The following NELL2 variants were observed in gnomAD, a reference collection of about 807,000 sequenced individuals.
NELL2 encodes protein kinase C-binding protein NELL2.
Under a neutral mutation model 109.6 loss-of-function variants are expected in NELL2, and 41 were observed. The ratio of observed to expected loss-of-function variants is 0.37; its 90% CI spans 0.29 to 0.49. The LOEUF is 0.49. Among genes scored for constraint, NELL2 ranks in the 20% least tolerant of loss-of-function variants. NELL2 has a pLI of 0.98. For missense variants in NELL2, 900 were observed against 1,008.3 expected, an observed-to-expected ratio of 0.89 and a Z score of 1.45; for synonymous variants, 355 against 344.7, an observed-to-expected ratio of 1.03 and a Z score of -0.33.
intron 13 of NELL2, among the ~76,000 whole-genome samples, chr12:44,627,348 C>A (rs1946301888): frequency 6.6e-6 from 1 of 151,088 alleles, no homozygotes; most frequent in African/African-American, 2.4e-5. Flanking sequence ...ATCTTTCTAA[C>A]AAAGTTTTGC....
At chr12:44,782,825 C>T (rs1240411714) in intron 3 of NELL2, among the ~76,000 whole-genome samples, 1 of 151,878 alleles carries the variant, frequency 6.6e-6, no homozygotes, top group Non-Finnish European at 1.5e-5. Flanking sequence ...CCTGTTTCAA[C>T]AATTATTTGA....
chr12:44,794,647 T>TC (rs1206909701), intron 3 of NELL2, among the ~76,000 whole-genome samples: 1 of 152,012 alleles, frequency 6.6e-6, no homozygotes, highest in African/African-American at 2.4e-5. Flanking sequence ...ATCTGCAACC[T>TC]CCCCAGATCA....
intron 15 of NELL2, among the ~76,000 whole-genome samples, chr12:44,569,316 C>G (rs1189513020): frequency 1.3e-5 from 2 of 152,096 alleles, no homozygotes; most frequent in African/African-American, 4.8e-5. Flanking sequence ...CATGTTTTCA[C>G]TATTGTAAAT....
intron 12 of NELL2, among the ~76,000 whole-genome samples, chr12:44,672,217 A>G (rs1044454068): frequency 6.6e-6 from 1 of 152,228 alleles, no homozygotes; most frequent in Non-Finnish European, 1.5e-5. Context: ...ATGGCGAACC[A>G]GTACCAGTCC....
intron 13 of NELL2, among the ~76,000 whole-genome samples, chr12:44,617,946 G>T (rs1028003574): frequency 6.6e-6 from 1 of 151,800 alleles, no homozygotes. Flanking sequence ...AATCTATTTT[G>T]GACATTTTTC....
Position 44,842,850 on chromosome 12 carries a change from G to A in NELL2, c.185-26714C>T, listed in dbSNP as rs571567908. On this transcript the variant is annotated intron_variant, in intron 2 of 19. Coordinates refer to ENST00000429094, the MANE Select transcript of NELL2 (RefSeq NM_001145108.2). ...ACGCACACAGAGGGAAGAGGCCCAC[G>A]TGCAGATGGAGGCAAGAATTGAGAT... Among the ~76,000 whole-genome samples, 16 of 151,936 alleles carry A rather than the reference G, an allele frequency of 1.1e-4. No homozygotes were observed. The East Asian group carries it at 1.9e-3, about 18-fold the overall frequency.
chr12:44,546,419 T>G (rs17094758), intron 15 of NELL2, among the ~76,000 whole-genome samples: 4,401 of 152,210 alleles, frequency 0.029, 93 homozygotes, highest in Middle Eastern at 0.12. Flanking sequence ...TGAAACACCC[T>G]TTAGCTTGAT....
intron 6 of NELL2, 52 bp from the exon 7 acceptor site, chr12:44,777,176 T>C: frequency 6.2e-7 from 1 of 1,608,976 alleles, no homozygotes. Context: ...AGGGGTTCAA[T>C]CTGGTTAAGT....
upstream of NELL2, among the ~76,000 whole-genome samples, chr12:44,917,293 C>G (rs77867317): frequency 7.9e-3 from 1,202 of 152,278 alleles, 15 homozygotes; most frequent in African/African-American, 0.027. Flanking sequence ...AACATTATGA[C>G]GTAGAAAGAG....
At chr12:44,887,438 T>A (rs938065830) in intron 1 of NELL2, among the ~76,000 whole-genome samples, 7 of 152,014 alleles carry the variant, frequency 4.6e-5, no homozygotes, top group African/African-American at 1.7e-4. Flanking sequence ...CATCCATTAT[T>A]GCCTGTCTTT....
chr12:44,590,943 C>T (rs1425575790), intron 15 of NELL2, among the ~76,000 whole-genome samples: 2 of 150,524 alleles, frequency 1.3e-5, no homozygotes, highest in Non-Finnish European at 3.0e-5. Context: ...ACCAAATACT[C>T]CAAGAAAAAT....
chr12:44,694,127 A>T (rs912721987), intron 12 of NELL2, among the ~76,000 whole-genome samples: 4 of 152,158 alleles, frequency 2.6e-5, no homozygotes, highest in African/African-American at 9.7e-5. Flanking sequence ...GTAAAGCATT[A>T]TTCTGGGTGT....
At chr12:44,786,422 T>C (rs1253834540) in intron 3 of NELL2, among the ~76,000 whole-genome samples, 3 of 152,186 alleles carry the variant, frequency 2.0e-5, no homozygotes, top group Non-Finnish European at 2.9e-5. Flanking sequence ...TTTTACATTG[T>C]TGATGGGAAT....
chr12:44,537,480 T>C (rs1029965578), intron 15 of NELL2, among the ~76,000 whole-genome samples: 1 of 152,082 alleles, frequency 6.6e-6, no homozygotes, highest in Non-Finnish European at 1.5e-5. Flanking sequence ...GAGTCTACTG[T>C]TTTTAATGAC....
At chr12:44,824,945 C>T (rs962084985) in intron 2 of NELL2, among the ~76,000 whole-genome samples, 11 of 151,984 alleles carry the variant, frequency 7.2e-5, no homozygotes, top group African/African-American at 2.7e-4. Flanking sequence ...CTCCTGACCT[C>T]GTGATCCACC....
intron 9 of NELL2, among the ~76,000 whole-genome samples, chr12:44,744,198 C>A (rs569820494): frequency 6.6e-6 from 1 of 152,240 alleles, no homozygotes; most frequent in Non-Finnish European, 1.5e-5. Context: ...TCTGGAATGA[C>A]TACAGGTTAA....
intron 15 of NELL2, among the ~76,000 whole-genome samples, chr12:44,584,956 T>C (rs1414097644): frequency 6.6e-6 from 1 of 152,242 alleles, no homozygotes. Context: ...CTAATGACCA[T>C]TATTATGTCC....
At chr12:44,608,049 G>A (rs1274612442) in intron 14 of NELL2, among the ~76,000 whole-genome samples, 1 of 152,076 alleles carries the variant, frequency 6.6e-6, no homozygotes, top group Non-Finnish European at 1.5e-5. Flanking sequence ...TACAACAAGA[G>A]AAGAAGAGAA....
chr12:44,857,597 A>G (rs1944720557), intron 2 of NELL2, among the ~76,000 whole-genome samples: 1 of 152,176 alleles, frequency 6.6e-6, no homozygotes, highest in African/African-American at 2.4e-5. Flanking sequence ...CAGGTAAAAC[A>G]ATTGTGTCAT....
Sources: allele counts gnomAD v4.1 joint callset (sites outside exome capture counted in the v4.1 genomes callset), GRCh38; gene constraint gnomAD v4.1.1; transcripts MANE v1.5; gene names NCBI Gene and HGNC (gene_info 2026-07-23, HGNC 2026-07-21).